Variants in EDIL3 observed in about 807,000 individuals in gnomAD.
EDIL3 encodes EGF like and discoidin domains 3, also known as EGF-like repeat and discoidin I-like domain-containing protein 3.
EDIL3 carries 37 observed loss-of-function variants against 67.4 expected under a neutral mutation model. That is an observed-to-expected ratio of 0.55 (90% confidence interval 0.42 to 0.72). EDIL3 has a LOEUF of 0.72. Among genes scored for constraint, EDIL3 ranks in the 30% least tolerant of loss-of-function variants. The pLI, the probability that EDIL3 is intolerant of heterozygous loss-of-function variation, is 0.00. For missense variants in EDIL3, 527 were observed against 586.3 expected (o/e 0.90, Z 1.04); for synonymous variants, 195 against 196.3 (o/e 0.99, Z 0.05).
At position 83,943,474 on chromosome 5, in the gene EDIL3, C is replaced by G; in HGVS notation, c.1388G>C (p.Trp463Ser). 6.2e-7 allele frequency: 1 copy of G among 1,612,746 alleles called. No homozygotes were observed. Among genetic ancestry groups the G allele is most frequent in the Non-Finnish European group, 8.5e-7 (1 of 1,179,258 alleles). Residue 463 changes from tryptophan to serine, a missense_variant, in exon 11 of 11, where the codon TGG becomes TCG. Trp to Ser is a radical substitution (Grantham distance 177). Transcript: ENST00000296591. ...TGACCGCAATGTGATCCTCCCGTAC[C>G]AGGACCAAGGAAGGATTCTTATGTG... Reference protein sequence around the residue: ...ARHIRILPWSWYGRITLRSEL... With the variant: ...ARHIRILPWSSYGRITLRSEL...
intron 9 of EDIL3, among the ~76,000 whole-genome samples, chr5:83,992,997 GC>G (rs1406623250): frequency 1.7e-4 from 26 of 152,066 alleles, no homozygotes; most frequent in African/African-American, 6.0e-4. Context: ...TGAAGTACCT[GC>G]GGAAGTACAA....
chr5:84,289,651 T>C (rs1745876113), intron 1 of EDIL3, among the ~76,000 whole-genome samples: 1 of 152,164 alleles, frequency 6.6e-6, no homozygotes, highest in African/African-American at 2.4e-5. Context: ...TGACTTTCCG[T>C]CAACAACTGA....
chr5:84,161,626 T>C (rs555209452), intron 4 of EDIL3, among the ~76,000 whole-genome samples: 1 of 152,248 alleles, frequency 6.6e-6, no homozygotes, highest in South Asian at 2.1e-4. Context: ...TTTTAGCTAC[T>C]AGACAATCGC....
intron 5 of EDIL3, among the ~76,000 whole-genome samples, chr5:84,110,898 G>A (rs896827661): frequency 1.3e-5 from 2 of 152,156 alleles, no homozygotes; most frequent in African/African-American, 4.8e-5. Flanking sequence ...CACTGCAACA[G>A]TACATAATGT....
At chr5:84,086,708 T>A (rs560775857) in intron 6 of EDIL3, among the ~76,000 whole-genome samples, 2 of 152,310 alleles carry the variant, frequency 1.3e-5, no homozygotes, top group East Asian at 3.9e-4. Context: ...GGTATTTTGC[T>A]GACTCATATT....
At chr5:84,038,598 G>A (rs1746065942) in intron 9 of EDIL3, among the ~76,000 whole-genome samples, 1 of 152,186 alleles carries the variant, frequency 6.6e-6, no homozygotes, top group African/African-American at 2.4e-5. Flanking sequence ...CCTTTCAAAA[G>A]AAGGAAAGCT....
chr5:84,103,947 A>C, intron 6 of EDIL3, among the ~76,000 whole-genome samples: 1 of 152,040 alleles, frequency 6.6e-6, no homozygotes, highest in East Asian at 1.9e-4. Flanking sequence ...ATTCACAATA[A>C]CAAAGACATG....
At chr5:83,969,490 T>C (rs540662008) in intron 9 of EDIL3, among the ~76,000 whole-genome samples, 3 of 151,996 alleles carry the variant, frequency 2.0e-5, no homozygotes, top group Non-Finnish European at 4.4e-5. Flanking sequence ...TGAATGAATA[T>C]GAAAATTTTT....
At chr5:84,068,588 G>C (rs1443617897) in intron 6 of EDIL3, among the ~76,000 whole-genome samples, 1 of 152,062 alleles carries the variant, frequency 6.6e-6, no homozygotes, top group Non-Finnish European at 1.5e-5. Flanking sequence ...ATATATTTTA[G>C]GAAGATGGAA....
chr5:83,985,563 T>C (rs1745045177), intron 9 of EDIL3, among the ~76,000 whole-genome samples: 1 of 152,048 alleles, frequency 6.6e-6, no homozygotes. Flanking sequence ...CCCTCTGTTC[T>C]AAAATTTCTT....
intron 1 of EDIL3, among the ~76,000 whole-genome samples, chr5:84,378,634 G>C (rs1282595341): frequency 6.6e-6 from 1 of 152,138 alleles, no homozygotes; most frequent in African/African-American, 2.4e-5. Context: ...TATTTTTGTG[G>C]TCAGAAGTTT....
At chr5:84,031,280 G>C (rs1745916741) in intron 9 of EDIL3, among the ~76,000 whole-genome samples, 1 of 152,118 alleles carries the variant, frequency 6.6e-6, no homozygotes, top group African/African-American at 2.4e-5. Context: ...AATACACTAA[G>C]CTGATTTTTT....
chr5:84,364,017 T>C (rs116520526), intron 1 of EDIL3, among the ~76,000 whole-genome samples: 284 of 152,280 alleles, frequency 1.9e-3, no homozygotes, highest in African/African-American at 6.5e-3. Context: ...AGCGTTTTCA[T>C]GACATCTTAA....
At chr5:84,337,952 A>G (rs1045676330) in intron 1 of EDIL3, among the ~76,000 whole-genome samples, 1 of 152,168 alleles carries the variant, frequency 6.6e-6, no homozygotes, top group African/African-American at 2.4e-5. Flanking sequence ...TTTTCTATTT[A>G]AGACACGCTT....
intron 6 of EDIL3, among the ~76,000 whole-genome samples, chr5:84,075,675 A>T (rs1054740045): frequency 1.3e-5 from 2 of 152,040 alleles, no homozygotes; most frequent in Non-Finnish European, 2.9e-5. Flanking sequence ...GAGTTTCTCC[A>T]TGTTGGTCAG....
chr5:84,201,307 T>C (rs1401127900), intron 3 of EDIL3, among the ~76,000 whole-genome samples: 1 of 152,108 alleles, frequency 6.6e-6, no homozygotes, highest in African/African-American at 2.4e-5. Flanking sequence ...TCTATGAATG[T>C]TTTCAGTAGG....
At chr5:84,053,826 A>C (rs1294630935) in intron 9 of EDIL3, among the ~76,000 whole-genome samples, 2 of 152,224 alleles carry the variant, frequency 1.3e-5, no homozygotes, top group East Asian at 1.9e-4. Flanking sequence ...ATAGCTTACC[A>C]ACCAAAAAAA....
At chr5:84,347,078 G>A (rs1236892066) in intron 1 of EDIL3, among the ~76,000 whole-genome samples, 1 of 152,082 alleles carries the variant, frequency 6.6e-6, no homozygotes, top group African/African-American at 2.4e-5. Flanking sequence ...CCTAGCTCTG[G>A]GATTCAAACT....
chr5:84,168,962 C>A (rs1029276109), intron 4 of EDIL3, among the ~76,000 whole-genome samples: 2 of 152,114 alleles, frequency 1.3e-5, no homozygotes, highest in Non-Finnish European at 2.9e-5. Flanking sequence ...TTGCTCAGGT[C>A]CTCTTTCTGC....
Sources: gnomAD v4.1 joint callset for allele counts (sites outside exome capture counted in the v4.1 genomes callset) on GRCh38, gnomAD v4.1.1 for gene constraint, MANE v1.5 for transcripts, NCBI Gene and HGNC (gene_info 2026-07-23, HGNC 2026-07-21) for gene names.